DCDC1: variants seen among roughly 807,000 people sequenced by gnomAD.
The protein encoded by DCDC1 is doublecortin domain-containing protein 1.
Under a neutral mutation model 178.3 loss-of-function variants are expected in DCDC1, and 200 were observed. The observed-to-expected ratio is 1.12, with a 90% CI of 1.00 to 1.26. DCDC1 has a LOEUF of 1.26. Ranked by LOEUF, DCDC1 falls within the 50% of genes most tolerant of loss-of-function variation. The pLI, the probability that DCDC1 is intolerant of heterozygous loss-of-function variation, is 0.00. For missense variants in DCDC1, 1,983 were observed against 1,749.2 expected (o/e 1.13, Z -2.38); for synonymous variants, 690 against 604.8 (o/e 1.14, Z -2.07).
chr11:30,876,073 A>G (rs905208374), intron 38 of DCDC1, among the ~76,000 whole-genome samples: 2 of 152,176 alleles, frequency 1.3e-5, no homozygotes, highest in Non-Finnish European at 2.9e-5. Context: ...ATGCTTCTAC[A>G]CTGTTGATTA....
chr11:30,970,208 A>G (rs1949700565), intron 20 of DCDC1, among the ~76,000 whole-genome samples: 1 of 152,156 alleles, frequency 6.6e-6, no homozygotes, highest in Non-Finnish European at 1.5e-5. Flanking sequence ...CAGGTCCTGA[A>G]ACTAACATAG....
chr11:31,189,152 G>A (rs188855869), intron 9 of DCDC1, among the ~76,000 whole-genome samples: 242 of 152,116 alleles, frequency 1.6e-3, no homozygotes, highest in Non-Finnish European at 2.7e-3. Flanking sequence ...TTGTTATAGC[G>A]GCGCAAATGT....
chr11:31,352,455 T>G (rs1951120372), intron 1 of DCDC1, among the ~76,000 whole-genome samples: 1 of 152,190 alleles, frequency 6.6e-6, no homozygotes, highest in African/African-American at 2.4e-5. Context: ...CTGCCCTCAG[T>G]GAGCTCACAG....
chr11:31,255,632 G>C (rs1301238296), intron 8 of DCDC1, among the ~76,000 whole-genome samples: 1 of 152,066 alleles, frequency 6.6e-6, no homozygotes, highest in Non-Finnish European at 1.5e-5. Flanking sequence ...ACTTCTTTGG[G>C]AAAACGTTGA....
chr11:31,190,453 T>TA (rs1201017610), intron 9 of DCDC1, among the ~76,000 whole-genome samples: 1 of 152,186 alleles, frequency 6.6e-6, no homozygotes, highest in Non-Finnish European at 1.5e-5. Context: ...ATACACAGAA[T>TA]AATATTTAAA....
intron 20 of DCDC1, among the ~76,000 whole-genome samples, chr11:31,004,158 C>A (rs180888603): frequency 6.6e-6 from 1 of 152,204 alleles, no homozygotes; most frequent in East Asian, 1.9e-4. Flanking sequence ...TATATAAGAA[C>A]TACTCTTTAA....
At chr11:30,873,349 A>G (rs1240764419) in intron 38 of DCDC1, among the ~76,000 whole-genome samples, 12 of 131,342 alleles carry the variant, frequency 9.1e-5, no homozygotes, top group African/African-American at 3.1e-4. Flanking sequence ...ATATACATAT[A>G]TATATATATA....
chr11:31,039,035 T>C (rs539152149), intron 20 of DCDC1, among the ~76,000 whole-genome samples: 4 of 152,336 alleles, frequency 2.6e-5, no homozygotes, highest in African/African-American at 9.6e-5. Flanking sequence ...CAAATGTTGA[T>C]ATCTAATCAA....
In DCDC1 at chr11:31,274,992, C is replaced by T. The variant is rs138456725; in HGVS notation, c.961-9392G>A. Among the ~76,000 whole-genome samples, 1,062 of 152,208 alleles carry T rather than the reference C, an allele frequency of 7.0e-3. 14 individuals carry two copies. Among genetic ancestry groups the T allele is most frequent in the African/African-American group, 0.024 (1,007 of 41,522 alleles). ...GGGATTACAGGTGTGAGCCACCACACCCGTCTTTATTTTACAAATCTCTTT... is the reference window on the plus strand; with the variant it reads ...GGGATTACAGGTGTGAGCCACCACATCCGTCTTTATTTTACAAATCTCTTT... On this transcript the variant is annotated intron_variant, in intron 7 of 38. Coordinates refer to ENST00000684477, the MANE Select transcript of DCDC1 (RefSeq NM_001387274.1).
At chr11:31,029,503 G>C (rs1953477721) in intron 20 of DCDC1, among the ~76,000 whole-genome samples, 1 of 151,842 alleles carries the variant, frequency 6.6e-6, no homozygotes, top group Admixed American at 6.6e-5. Context: ...ATTTGTGGAG[G>C]GGACAAATAT....
intron 38 of DCDC1, among the ~76,000 whole-genome samples, chr11:30,870,308 C>G (rs1319809611): frequency 6.6e-6 from 1 of 152,026 alleles, no homozygotes; most frequent in Non-Finnish European, 1.5e-5. Context: ...TATCAACCTT[C>G]CCATGGGAGC....
At chr11:31,144,345 G>A (rs1355636533) in intron 9 of DCDC1, among the ~76,000 whole-genome samples, 1 of 151,782 alleles carries the variant, frequency 6.6e-6, no homozygotes, top group Non-Finnish European at 1.5e-5. Context: ...GTTTCACCAT[G>A]TTGCTCAGGC....
chr11:31,103,261 T>C (rs1263521003), intron 14 of DCDC1, among the ~76,000 whole-genome samples: 1 of 152,214 alleles, frequency 6.6e-6, no homozygotes, highest in Non-Finnish European at 1.5e-5. Context: ...GTTTTAAATG[T>C]ATCATCATCA....
chr11:30,912,282 C>CT (rs377614698), intron 27 of DCDC1, among the ~76,000 whole-genome samples: 2,396 of 145,928 alleles, frequency 0.016, 20 homozygotes, highest in African/African-American at 0.032. Flanking sequence ...TTCAGGTATT[C>CT]TTTTTTTTTT....
chr11:31,326,621 G>GCA (rs1453435281), intron 3 of DCDC1, among the ~76,000 whole-genome samples: 1 of 152,064 alleles, frequency 6.6e-6, no homozygotes, highest in Non-Finnish European at 1.5e-5. Context: ...TTTAAAAGCT[G>GCA]CACTGTATAA....
chr11:31,060,470 AAT>A (rs1955848773), intron 20 of DCDC1, among the ~76,000 whole-genome samples: 1 of 152,130 alleles, frequency 6.6e-6, no homozygotes, highest in South Asian at 2.1e-4. Context: ...TAGTGATTAC[AAT>A]AATTTTATGT....
intron 9 of DCDC1, among the ~76,000 whole-genome samples, chr11:31,220,499 T>C (rs540876785): frequency 6.6e-6 from 1 of 152,316 alleles, no homozygotes; most frequent in South Asian, 2.1e-4. Flanking sequence ...ATTGCTAAAA[T>C]AACCTCACAA....
intron 3 of DCDC1, among the ~76,000 whole-genome samples, chr11:31,324,595 A>G (rs1279568829): frequency 6.6e-6 from 1 of 152,292 alleles, no homozygotes; most frequent in African/African-American, 2.4e-5. Context: ...AGTCTAAAAC[A>G]GTGAAGGTGT....
At chr11:31,240,827 A>G (rs970000179) in intron 9 of DCDC1, among the ~76,000 whole-genome samples, 2 of 152,078 alleles carry the variant, frequency 1.3e-5, no homozygotes, top group South Asian at 2.1e-4. Flanking sequence ...AGATAAATCA[A>G]AAGTCCCTAT....
Sources: allele counts gnomAD v4.1 joint callset (sites outside exome capture counted in the v4.1 genomes callset), GRCh38; gene constraint gnomAD v4.1.1; transcripts MANE v1.5; gene names NCBI Gene and HGNC (gene_info 2026-07-23, HGNC 2026-07-21).